CRACR2A: variants seen among roughly 807,000 people sequenced by gnomAD.
CRACR2A encodes calcium release activated channel regulator 2A, also known as EF-hand calcium-binding domain-containing protein 4B.
Under a neutral mutation model 90.5 loss-of-function variants are expected in CRACR2A, and 79 were observed. That is an observed-to-expected ratio of 0.87 (90% CI 0.73 to 1.05). CRACR2A has a LOEUF of 1.05. Among genes scored for constraint, CRACR2A ranks in the 50% least tolerant of loss-of-function variants. CRACR2A has a pLI of 0.00. For synonymous variants in CRACR2A, 338 were observed against 356.7 expected (o/e 0.95, Z 0.59); for missense variants, 823 against 897.2 (o/e 0.92, Z 1.06).
At chr12:3,678,846 G>A in intron 6 of CRACR2A, 69 bp downstream of exon 6, 1 of 1,491,986 alleles carries the variant, frequency 6.7e-7, no homozygotes, top group Non-Finnish European at 9.0e-7. Context: ...AATGTTAATT[G>A]TTGAATGGAC....
chr12:3,752,324 TCGCACACACACGGACACACACACACA>T (rs1946718739), intron 1 of CRACR2A, among the ~76,000 whole-genome samples: 1 of 144,188 alleles, frequency 6.9e-6, no homozygotes, highest in Non-Finnish European at 1.5e-5. Flanking sequence ...AGACACACAC[TCGCACACACACGGACACACACACACA>T]CACACGGACA....
chr12:3,717,064 C>G (rs1456864211), intron 2 of CRACR2A, among the ~76,000 whole-genome samples: 3 of 152,118 alleles, frequency 2.0e-5, no homozygotes, highest in African/African-American at 7.2e-5. Flanking sequence ...GCTGACATGT[C>G]AGGAAAGGCT....
At chr12:3,712,845 C>T (rs904888854) in intron 3 of CRACR2A, among the ~76,000 whole-genome samples, 4 of 152,116 alleles carry the variant, frequency 2.6e-5, no homozygotes, top group African/African-American at 9.7e-5. Context: ...ACAGGCTCCA[C>T]AGTGGAACTG....
At chr12:3,648,439 C>T (rs754429567) in intron 11 of CRACR2A, 103 bp downstream of exon 11, 2 of 1,597,772 alleles carry the variant, frequency 1.3e-6, no homozygotes, top group Admixed American at 3.4e-5. Context: ...TCTCAGCAGG[C>T]ACGTTTTTCC....
In CRACR2A at chr12:3,641,814, T is replaced by C. The variant is rs1261179508; in HGVS notation, c.1189A>G (p.Thr397Ala). ...TTCCAACTTGCCCTGGAAGCAGCTG[T>C]GTTTGCCTTGGCTGCCTTATTTTTC... ...FQKNKAAKAN[T>A]AASRASWKKR... is the part of the protein sequence containing the mutation. The change falls in exon 13 of 20, where the codon ACA (threonine) becomes GCA (alanine). Residue 397 changes from threonine to alanine, a missense_variant. By Grantham distance (58) the Thr-to-Ala change is moderately conservative (BLOSUM62 0). Coordinates refer to ENST00000440314, the MANE Select transcript of CRACR2A (RefSeq NM_001144958.2). 1.5e-5 allele frequency: 23 copies of C among 1,551,730 alleles called. No individual in the cohort carries two copies. Among genetic ancestry groups the C allele is most frequent in the Non-Finnish European group, 2.0e-5 (23 of 1,146,986 alleles).
intron 2 of CRACR2A, among the ~76,000 whole-genome samples, chr12:3,719,446 T>C (rs1946125757): frequency 6.6e-6 from 1 of 152,164 alleles, no homozygotes; most frequent in Non-Finnish European, 1.5e-5. Flanking sequence ...GAATGTAGTC[T>C]CAAAGGCTGA....
intron 3 of CRACR2A, among the ~76,000 whole-genome samples, chr12:3,708,648 T>A (rs12368190): frequency 0.25 from 37,509 of 151,994 alleles, 4,834 homozygotes; most frequent in Admixed American, 0.32. Flanking sequence ...GATGGTCTCG[T>A]TCTCCTGACC....
chr12:3,736,794 C>G (rs931367955), intron 1 of CRACR2A, among the ~76,000 whole-genome samples: 8 of 152,194 alleles, frequency 5.3e-5, no homozygotes, highest in Non-Finnish European at 8.8e-5. Context: ...TAGAGGCTGA[C>G]AGCAGGTTCA....
chr12:3,637,994 C>A (rs972524287), intron 14 of CRACR2A, 130 bp downstream of exon 14: 1 of 877,392 alleles, frequency 1.1e-6, no homozygotes, highest in Admixed American at 2.9e-5. Flanking sequence ...ATTTGGAGGA[C>A]ACATATGTGG....
chr12:3,654,264 G>A lies in CRACR2A; in HGVS notation c.994C>T (p.Gln332Ter). The change falls in exon 10 of 20, where the codon CAG becomes TAG. Residue 332 changes from glutamine to a stop codon, truncating the protein, a stop_gained. Coordinates refer to ENST00000440314, the MANE Select transcript of CRACR2A (RefSeq NM_001144958.2). LOFTEE classifies it high-confidence loss of function. ...GCCTCTTGCTGGAGGCTTTCCAACT[G>A]CTGCTGAGCATCCTGGAGCTCCCAG... is the stretch of plus-strand genomic sequence containing the variant. ...TSWELQDAQQ[Q>*]LESLQQEACK... 6.2e-7 allele frequency: 1 copy of A among 1,613,856 alleles called. No homozygotes were observed. Among genetic ancestry groups the A allele is most frequent in the Non-Finnish European group, 8.5e-7 (1 of 1,179,932 alleles).
rs149380734 is a variant in CRACR2A, at chr12:3,736,869, G to A, written c.-386-3659C>T. 3.1e-3 allele frequency among the ~76,000 whole-genome samples: 467 copies of A among 152,278 alleles called. 7 individuals are homozygous for A. Among genetic ancestry groups the A allele is most frequent in the African/African-American group, 0.011 (439 of 41,560 alleles). On this transcript the variant is annotated intron_variant, in intron 1 of 19. Coordinates refer to ENST00000440314, the MANE Select transcript of CRACR2A (RefSeq NM_001144958.2). ...TGGACTTATCAATGAGGAGGCCACC[G>A]GTGAACTCAGTAATAGCAGTCCCAG...
intron 3 of CRACR2A, among the ~76,000 whole-genome samples, chr12:3,708,571 C>T (rs1161088062): frequency 1.3e-5 from 2 of 152,124 alleles, no homozygotes; most frequent in Admixed American, 6.5e-5. Flanking sequence ...ACTACAGGTG[C>T]CCGCCACCAC....
At chr12:3,696,171 G>A (rs977632640) in intron 4 of CRACR2A, among the ~76,000 whole-genome samples, 1 of 152,240 alleles carries the variant, frequency 6.6e-6, no homozygotes, top group Non-Finnish European at 1.5e-5. Context: ...GAGATGAGTA[G>A]TTGTGATAGA....
chr12:3,619,842 G>A (rs1053029490), intron 17 of CRACR2A, among the ~76,000 whole-genome samples: 1 of 152,210 alleles, frequency 6.6e-6, no homozygotes, highest in African/African-American at 2.4e-5. Context: ...ATTAGAAACT[G>A]CATCACTAGA....
intron 12 of CRACR2A, 67 bp downstream of exon 12, chr12:3,644,528 T>A: frequency 6.8e-7 from 1 of 1,479,412 alleles, no homozygotes; most frequent in Non-Finnish European, 9.2e-7. Context: ...AGTCTCGACA[T>A]GGATCTGGCT....
At chr12:3,666,187 C>G (rs1021803931) in intron 7 of CRACR2A, among the ~76,000 whole-genome samples, 1 of 151,980 alleles carries the variant, frequency 6.6e-6, no homozygotes, top group African/African-American at 2.4e-5. Context: ...TGAGATACTG[C>G]GGATGCCATA....
At chr12:3,677,922 G>A (rs1341557644) in intron 6 of CRACR2A, among the ~76,000 whole-genome samples, 3 of 152,288 alleles carry the variant, frequency 2.0e-5, no homozygotes, top group Non-Finnish European at 2.9e-5. Flanking sequence ...ATTGTTTGCT[G>A]AAAAATTCAC....
At chr12:3,726,423 A>G (rs908492848) in intron 2 of CRACR2A, 1 of 152,186 alleles carries the variant, frequency 6.6e-6, no homozygotes, top group Admixed American at 6.5e-5. Context: ...CAACACTTCC[A>G]CCTACCTATA....
At chr12:3,675,182 T>A (rs1437149784) in intron 6 of CRACR2A, among the ~76,000 whole-genome samples, 1 of 152,204 alleles carries the variant, frequency 6.6e-6, no homozygotes, top group East Asian at 1.9e-4. Flanking sequence ...AATAAAATTA[T>A]CTGTGCTTGT....
Sources: gnomAD v4.1 joint callset for allele counts (sites outside exome capture counted in the v4.1 genomes callset) on GRCh38, gnomAD v4.1.1 for gene constraint, MANE v1.5 for transcripts, NCBI Gene and HGNC (gene_info 2026-07-23, HGNC 2026-07-21) for gene names.